Variants in SLC24A4 observed in about 807,000 individuals in gnomAD.
SLC24A4 encodes sodium/potassium/calcium exchanger 4.
SLC24A4 carries 53 observed loss-of-function variants against 79.0 expected under a neutral mutation model. That is an observed-to-expected ratio of 0.67 (90% CI 0.54 to 0.84). SLC24A4 has a LOEUF of 0.84. Among genes scored for constraint, SLC24A4 ranks in the 40% least tolerant of loss-of-function variants. The pLI, the probability that SLC24A4 is intolerant of heterozygous loss-of-function variation, is 0.00. For missense variants in SLC24A4, 731 were observed against 822.0 expected (o/e 0.89, Z 1.35); for synonymous variants, 323 against 323.8 (o/e 1.00, Z 0.03).
intron 14 of SLC24A4, 111 bp downstream of exon 14, chr14:92,486,891 A>G (rs1048833616): frequency 5.9e-6 from 4 of 676,698 alleles, no homozygotes; most frequent in Admixed American, 5.7e-5. Flanking sequence ...GCAGTTGTCA[A>G]GTCCTGCTGT....
intron 12 of SLC24A4, among the ~76,000 whole-genome samples, chr14:92,477,070 G>A (rs1225412159): frequency 2.0e-5 from 3 of 152,204 alleles, no homozygotes; most frequent in Admixed American, 6.5e-5. Flanking sequence ...AAAACTAGGT[G>A]TAGAATTTCT....
chr14:92,361,032 G>A (rs542972319), intron 2 of SLC24A4, among the ~76,000 whole-genome samples: 1 of 152,176 alleles, frequency 6.6e-6, no homozygotes, highest in Non-Finnish European at 1.5e-5. Flanking sequence ...AAAGGAGAGG[G>A]TGTTGCCATC....
intron 10 of SLC24A4, chr14:92,452,478 A>G (rs572562614): frequency 2.0e-5 from 3 of 152,234 alleles, no homozygotes; most frequent in African/African-American, 7.2e-5. Context: ...CCAAGTGTTG[A>G]TGCTCCCCAT....
In SLC24A4 at chr14:92,414,929, G is replaced by A. The variant is rs111396228; in HGVS notation, c.242-18983G>A. ...GAGAACATTCTCTGTGTGGGTGGAGGTCACCATGTGCTCTGGAATTGTGTC... is the reference window on the plus strand; with the variant it reads ...GAGAACATTCTCTGTGTGGGTGGAGATCACCATGTGCTCTGGAATTGTGTC... On this transcript the variant is annotated intron_variant, in intron 2 of 16. Coordinates refer to ENST00000532405, the MANE Select transcript of SLC24A4 (RefSeq NM_153646.4). Among the ~76,000 whole-genome samples, 522 of 152,330 alleles carry A rather than the reference G, an allele frequency of 3.4e-3. 4 individuals are homozygous for A. Among genetic ancestry groups the A allele is most frequent in the African/African-American group, 0.012 (503 of 41,570 alleles).
rs1265181333 is a variant in SLC24A4, at chr14:92,498,724, CTG to C, written c.*5097_*5098del. The C allele has an allele frequency of 6.6e-6, 1 of 152,242 alleles. No homozygotes were observed. Among genetic ancestry groups the C allele is most frequent in the African/African-American group, 2.4e-5 (1 of 41,442 alleles). The allele number at this position is 152,242 out of a possible 1,614,324, so 9.4% of individuals were successfully genotyped here. On this transcript the variant is annotated 3_prime_UTR_variant, in exon 17 of 17. Coordinates refer to ENST00000532405, the MANE Select transcript of SLC24A4 (RefSeq NM_153646.4). Reference sequence around the variant, plus strand: ...TGCTGACCAGGCTGGTTTCGAACTCCTGACCTCAAGTGATCCGCCCGCCTGGG... The same window carrying C: ...TGCTGACCAGGCTGGTTTCGAACTCCACCTCAAGTGATCCGCCCGCCTGGG...
intron 2 of SLC24A4, among the ~76,000 whole-genome samples, chr14:92,376,226 C>A (rs917787702): frequency 6.6e-6 from 1 of 152,160 alleles, no homozygotes; most frequent in African/African-American, 2.4e-5. Flanking sequence ...TACTTGGCCT[C>A]TCAAATGGAG....
intron 10 of SLC24A4, 123 bp downstream of exon 10, chr14:92,449,339 C>T: frequency 7.8e-7 from 1 of 1,288,026 alleles, no homozygotes; most frequent in Non-Finnish European, 1.1e-6. Context: ...CACAATGTCC[C>T]CCCTCTAAAT....
At chr14:92,381,786 GTCAGGTCCCC>G (rs1490413050) in intron 2 of SLC24A4, among the ~76,000 whole-genome samples, 2 of 151,818 alleles carry the variant, frequency 1.3e-5, no homozygotes, top group African/African-American at 4.8e-5. Context: ...GGTAAAAGCT[GTCAGGTCCCC>G]CTCCTCTCCC....
chr14:92,427,404 G>C (rs1274486405), intron 2 of SLC24A4, among the ~76,000 whole-genome samples: 1 of 152,278 alleles, frequency 6.6e-6, no homozygotes, highest in Admixed American at 6.5e-5. Context: ...GGGTTGGCAG[G>C]GCCAGACCGT....
At chr14:92,491,863 G>C in intron 15 of SLC24A4, 86 bp downstream of exon 15, 2 of 1,043,780 alleles carry the variant, frequency 1.9e-6, no homozygotes, top group Non-Finnish European at 3.0e-6. Flanking sequence ...TCTAGGAGAC[G>C]ACCTCCTCCT....
intron 2 of SLC24A4, among the ~76,000 whole-genome samples, chr14:92,392,333 G>T (rs1179217604): frequency 6.6e-6 from 1 of 151,740 alleles, no homozygotes; most frequent in East Asian, 1.9e-4. Context: ...TTTTCTCCTG[G>T]GTCCCCGGAT....
intron 10 of SLC24A4, chr14:92,452,510 C>G (rs930356430): frequency 6.6e-6 from 1 of 152,222 alleles, no homozygotes; most frequent in African/African-American, 2.4e-5. Context: ...GCTAATAACA[C>G]TCTCCAGCAC....
At position 92,377,710 on chromosome 14, in the gene SLC24A4, C is replaced by T. The variant is rs114501534; in HGVS notation, c.241+51732C>T. Among the ~76,000 whole-genome samples the T allele has an allele frequency of 8.4e-3, 1,273 of 151,790 alleles. 21 individuals are homozygous for T. Among genetic ancestry groups the T allele is most frequent in the African/African-American group, 0.03 (1,232 of 41,386 alleles). ...GATATGCTGGCTGCTGTGTGGAAGA[C>T]GGATCTGAATGTGCCAGTGGGCTAG... On this transcript the variant is annotated intron_variant, in intron 2 of 16. Coordinates refer to ENST00000532405, the MANE Select transcript of SLC24A4 (RefSeq NM_153646.4).
chr14:92,413,157 T>C (rs1387404202), intron 2 of SLC24A4, among the ~76,000 whole-genome samples: 1 of 152,156 alleles, frequency 6.6e-6, no homozygotes, highest in Admixed American at 6.5e-5. Flanking sequence ...TTTAAGATAC[T>C]CTCATCCTGT....
chr14:92,352,963 A>G (rs939927076), intron 2 of SLC24A4, among the ~76,000 whole-genome samples: 2 of 152,240 alleles, frequency 1.3e-5, no homozygotes, highest in African/African-American at 2.4e-5. Context: ...CCTGGAGAGT[A>G]ACTGTGCAGT....
At chr14:92,416,299 A>G (rs1243877284) in intron 2 of SLC24A4, among the ~76,000 whole-genome samples, 2 of 152,148 alleles carry the variant, frequency 1.3e-5, no homozygotes, top group Non-Finnish European at 2.9e-5. Context: ...GTTGGCGATC[A>G]GGGTCTTTCC....
chr14:92,374,000 TGCATA>T (rs1458736839), intron 2 of SLC24A4, among the ~76,000 whole-genome samples: 1 of 152,170 alleles, frequency 6.6e-6, no homozygotes, highest in East Asian at 1.9e-4. Flanking sequence ...TATCAGTCAG[TGCATA>T]TCTCTAAGAG....
intron 2 of SLC24A4, among the ~76,000 whole-genome samples, chr14:92,433,096 G>A (rs762157571): frequency 6.6e-6 from 1 of 152,202 alleles, no homozygotes; most frequent in Non-Finnish European, 1.5e-5. Flanking sequence ...TGGTGACCAG[G>A]GAAGTGTGGA....
At chr14:92,381,589 C>T (rs1045968946) in intron 2 of SLC24A4, among the ~76,000 whole-genome samples, 1 of 152,018 alleles carries the variant, frequency 6.6e-6, no homozygotes, top group Non-Finnish European at 1.5e-5. Context: ...TCTATGTATC[C>T]TAGAACTTAA....
Sources: allele counts gnomAD v4.1 joint callset (sites outside exome capture counted in the v4.1 genomes callset), GRCh38; gene constraint gnomAD v4.1.1; transcripts MANE v1.5; gene names NCBI Gene and HGNC (gene_info 2026-07-23, HGNC 2026-07-21).